ZNF536: variants seen among roughly 807,000 people sequenced by gnomAD.
The protein encoded by ZNF536 is zinc finger protein 536.
In ZNF536, 13 loss-of-function variants were observed where a neutral mutation model predicts 84.5. The observed-to-expected ratio is 0.15, with a 90% CI of 0.10 to 0.24. The LOEUF is 0.24. Ranked by LOEUF, ZNF536 falls within the 10% of genes least tolerant of loss-of-function variation. The probability of loss-of-function intolerance (pLI) is 1.00; values close to 1 mark genes in which losing one functional copy is unlikely to be tolerated. For synonymous variants in ZNF536, 811 were observed against 742.5 expected, an observed-to-expected ratio of 1.09 and a Z score of -1.50; for missense variants, 1,536 against 1,747.5, an observed-to-expected ratio of 0.88 and a Z score of 2.16.
chr19:30,696,335 G>C (rs530551245), intron 1 of ZNF536, among the ~76,000 whole-genome samples: 43 of 152,286 alleles, frequency 2.8e-4, no homozygotes, highest in African/African-American at 9.9e-4. Flanking sequence ...CTTCTCTTTG[G>C]TTTCTCCCGG....
intron 1 of ZNF536, among the ~76,000 whole-genome samples, chr19:30,271,023 T>C (rs1239940463): frequency 6.6e-6 from 1 of 152,188 alleles, no homozygotes; most frequent in Non-Finnish European, 1.5e-5. Flanking sequence ...GCACTCTTTC[T>C]AAGAATGTTT....
intron 1 of ZNF536, among the ~76,000 whole-genome samples, chr19:30,666,491 C>T (rs1600203050): frequency 1.3e-5 from 2 of 152,216 alleles, no homozygotes; most frequent in African/African-American, 4.8e-5. Flanking sequence ...CACGTCCTTC[C>T]ACCAGTAGAT....
intron 1 of ZNF536, among the ~76,000 whole-genome samples, chr19:30,689,393 A>T (rs556966881): frequency 2.0e-5 from 3 of 152,302 alleles, no homozygotes; most frequent in African/African-American, 7.2e-5. Context: ...GGCAGAGGGG[A>T]TGTATAGGCA....
chr19:30,531,523 A>T (rs1030982700), intron 2 of ZNF536, among the ~76,000 whole-genome samples: 33 of 151,772 alleles, frequency 2.2e-4, no homozygotes, highest in African/African-American at 7.5e-4. Context: ...TGAGGTTTGA[A>T]CTTCTAATGA....
At chr19:30,391,599 C>A (rs933448163) in intron 1 of ZNF536, among the ~76,000 whole-genome samples, 4 of 152,134 alleles carry the variant, frequency 2.6e-5, no homozygotes, top group East Asian at 3.9e-4. Flanking sequence ...AACAAACAAT[C>A]AAAAAAACTG....
intron 1 of ZNF536, among the ~76,000 whole-genome samples, chr19:30,248,193 T>TTTTC (rs971500941): frequency 6.6e-5 from 10 of 151,926 alleles, no homozygotes; most frequent in South Asian, 2.1e-4. Flanking sequence ...GAAGATTTCT[T>TTTTC]TTTCTTTCTT....
At chr19:30,574,863 C>T (rs2046674660) in intron 1 of ZNF536, among the ~76,000 whole-genome samples, 1 of 152,094 alleles carries the variant, frequency 6.6e-6, no homozygotes. Flanking sequence ...TCTGCTAAAT[C>T]CTATTCGATT....
chr19:30,585,613 G>T (rs900661558), intron 1 of ZNF536, among the ~76,000 whole-genome samples: 2 of 152,104 alleles, frequency 1.3e-5, no homozygotes, highest in African/African-American at 4.8e-5. Flanking sequence ...ACTGCTTGGG[G>T]TTACCAAGCC....
chr19:30,419,860 A>G (rs750564004), intron 1 of ZNF536, among the ~76,000 whole-genome samples: 2 of 152,168 alleles, frequency 1.3e-5, no homozygotes, highest in African/African-American at 2.4e-5. Context: ...CTTTCCAGGC[A>G]CGGAGAAGCC....
intron 1 of ZNF536, among the ~76,000 whole-genome samples, chr19:30,267,185 A>G (rs1460838091): frequency 6.6e-6 from 1 of 152,140 alleles, no homozygotes; most frequent in Non-Finnish European, 1.5e-5. Context: ...TCTGCAAATT[A>G]TTTTCAGAAA....
intron 3 of ZNF536, among the ~76,000 whole-genome samples, chr19:30,359,162 TG>T: frequency 6.6e-6 from 1 of 152,302 alleles, no homozygotes; most frequent in South Asian, 2.1e-4. Flanking sequence ...TCTCTGTTGT[TG>T]GTAACAAATT....
intron 1 of ZNF536, among the ~76,000 whole-genome samples, chr19:30,438,301 C>G (rs761799671): frequency 9.2e-5 from 14 of 152,040 alleles, no homozygotes; most frequent in Non-Finnish European, 1.9e-4. Flanking sequence ...TCTTTATGTC[C>G]GTGTATACCC....
At chr19:30,377,183 G>T (rs2048850854) in intron 1 of ZNF536, among the ~76,000 whole-genome samples, 1 of 152,122 alleles carries the variant, frequency 6.6e-6, no homozygotes. Flanking sequence ...CCTCATGAGG[G>T]CAGGAGCCTG....
chr19:30,425,732 C>G (rs533610672), intron 1 of ZNF536, among the ~76,000 whole-genome samples: 1 of 152,330 alleles, frequency 6.6e-6, no homozygotes, highest in African/African-American at 2.4e-5. Context: ...GAACCAATTA[C>G]TGAGGCTGGG....
chr19:30,298,133 C>T (rs964467868), intron 2 of ZNF536, among the ~76,000 whole-genome samples: 1 of 152,172 alleles, frequency 6.6e-6, no homozygotes, highest in Non-Finnish European at 1.5e-5. Flanking sequence ...CCGTCTTGGC[C>T]TCCCAAAGTT....
intron 2 of ZNF536, among the ~76,000 whole-genome samples, chr19:30,307,588 A>G (rs1600159397): frequency 1.3e-5 from 2 of 151,874 alleles, no homozygotes; most frequent in Non-Finnish European, 2.9e-5. Flanking sequence ...CTAACCGTTC[A>G]TTCTGCTGAG....
At chr19:30,317,832 C>T (rs2046730044) in intron 2 of ZNF536, among the ~76,000 whole-genome samples, 1 of 152,232 alleles carries the variant, frequency 6.6e-6, no homozygotes, top group South Asian at 2.1e-4. Flanking sequence ...CCCTCTTCAC[C>T]ACTTAGGCAG....
intron 2 of ZNF536, among the ~76,000 whole-genome samples, chr19:30,493,375 T>G (rs2054589213): frequency 3.3e-5 from 5 of 152,164 alleles, no homozygotes; most frequent in African/African-American, 9.7e-5. Context: ...AACAAGGCAG[T>G]AGGCTTAATA....
At chr19:30,414,639 G>GC (rs1425003639) in intron 1 of ZNF536, among the ~76,000 whole-genome samples, 1 of 152,104 alleles carries the variant, frequency 6.6e-6, no homozygotes, top group African/African-American at 2.4e-5. Flanking sequence ...ATCCATCCCA[G>GC]CCCCATGTCC....
Sources: allele counts gnomAD v4.1 joint callset (sites outside exome capture counted in the v4.1 genomes callset), GRCh38; gene constraint gnomAD v4.1.1; transcripts MANE v1.5; gene names NCBI Gene and HGNC (gene_info 2026-07-23, HGNC 2026-07-21).